TAOK3: variants seen among roughly 807,000 people sequenced by gnomAD.
TAOK3 encodes the protein serine/threonine-protein kinase TAO3.
TAOK3 carries 40 observed loss-of-function variants against 120.4 expected under a neutral mutation model. The ratio of observed to expected loss-of-function variants is 0.33; its 90% CI spans 0.26 to 0.43. The LOEUF (loss-of-function observed/expected upper bound fraction) is 0.43. TAOK3 is among the 20% of genes least tolerant of loss of function. The probability of loss-of-function intolerance (pLI) is 1.00; values close to 1 mark genes in which losing one functional copy is unlikely to be tolerated. For missense variants in TAOK3, 821 were observed against 1,112.1 expected, an observed-to-expected ratio of 0.74 and a Z score of 3.72; for synonymous variants, 355 against 387.5, an observed-to-expected ratio of 0.92 and a Z score of 0.99.
intron 1 of TAOK3, among the ~76,000 whole-genome samples, chr12:118,367,808 A>G (rs569193867): frequency 7.9e-5 from 12 of 152,104 alleles, no homozygotes; most frequent in Admixed American, 7.9e-4. Context: ...GAGGGAAGAA[A>G]TGAAAACTAG....
chr12:118,339,814 G>C (rs1434559355), intron 1 of TAOK3, among the ~76,000 whole-genome samples: 1 of 152,146 alleles, frequency 6.6e-6, no homozygotes, highest in Non-Finnish European at 1.5e-5. Flanking sequence ...GATTACAGAA[G>C]TGAGCCACCG....
intron 3 of TAOK3, among the ~76,000 whole-genome samples, chr12:118,247,503 A>C (rs541021063): frequency 1.1e-3 from 167 of 152,054 alleles, no homozygotes; most frequent in Non-Finnish European, 2.0e-3. Flanking sequence ...ACACACACAC[A>C]TACATACGTA....
chr12:118,168,255 C>G (rs550271032), intron 17 of TAOK3, among the ~76,000 whole-genome samples: 60 of 152,316 alleles, frequency 3.9e-4, no homozygotes, highest in African/African-American at 1.3e-3. Context: ...AGCTCTAATG[C>G]ACTCACTGCA....
At chr12:118,203,052 T>A (rs1565942228) in intron 11 of TAOK3, among the ~76,000 whole-genome samples, 1 of 152,062 alleles carries the variant, frequency 6.6e-6, no homozygotes, top group Non-Finnish European at 1.5e-5. Flanking sequence ...AGTGTTGGGA[T>A]TACAGGCGTG....
intron 9 of TAOK3, among the ~76,000 whole-genome samples, chr12:118,217,626 A>G (rs772782829): frequency 2.0e-5 from 3 of 151,036 alleles, no homozygotes; most frequent in South Asian, 4.2e-4. Flanking sequence ...GGAGGTTGCA[A>G]TGAGCTGAGA....
intron 17 of TAOK3, among the ~76,000 whole-genome samples, chr12:118,169,786 T>C (rs61943537): frequency 0.1 from 15,429 of 151,766 alleles, 993 homozygotes; most frequent in Middle Eastern, 0.15. Flanking sequence ...AGTGGCGCAA[T>C]CTCTGCTCAC....
At position 118,205,315 on chromosome 12, in the gene TAOK3, C is replaced by T. The variant is rs145806287; in HGVS notation, c.820-3852G>A. ...CTGGGAGACAGATCTTGCAATGAGC[C>T]GAGATCAGGCCACTGCACTCCAGCC... On this transcript the variant is annotated intron_variant, in intron 11 of 20. Transcript: ENST00000392533. 1.8e-3 allele frequency among the ~76,000 whole-genome samples: 275 copies of T among 151,302 alleles called. 7 individuals carry two copies. The East Asian group carries it at 0.048, about 27-fold the overall frequency.
rs906655719 is a variant in TAOK3, at chr12:118,227,276, T to G, written c.643+6398A>C. 2.7e-5 allele frequency among the ~76,000 whole-genome samples: 4 copies of G among 147,644 alleles called. No homozygotes were observed. The East Asian group carries it at 7.8e-4, about 29-fold the overall frequency. On this transcript the variant is annotated intron_variant, in intron 9 of 20. Transcript: ENST00000392533. Reference sequence around the variant, plus strand: ...AATATAATATAAAATTATGTTATAATTTTATAATATAAATTTATATATAAA... The same window carrying G: ...AATATAATATAAAATTATGTTATAAGTTTATAATATAAATTTATATATAAA...
At chr12:118,309,066 C>T (rs867751676) in intron 1 of TAOK3, among the ~76,000 whole-genome samples, 5 of 151,566 alleles carry the variant, frequency 3.3e-5, no homozygotes, top group Middle Eastern at 6.9e-3. Flanking sequence ...CGGTGGCTCA[C>T]GCCTGTAATC....
intron 1 of TAOK3, among the ~76,000 whole-genome samples, chr12:118,322,598 CGT>C (rs2140955879): frequency 6.6e-6 from 1 of 151,376 alleles, no homozygotes; most frequent in African/African-American, 2.4e-5. Flanking sequence ...AATAAATGAG[CGT>C]GTGTTCCAAT....
chr12:118,161,957 C>T lies in TAOK3; in HGVS notation c.1970G>A (p.Arg657Gln), dbSNP rs753899938. ...GTGCAGCTGCCTGTACTCTAGCTCT[C>T]GGGTGGACTCGTCGTGCCGGATTAG... ...AMLIRHDEST[R>Q]ELEYRQLHTL... Residue 657 changes from arginine (R) to glutamine (Q), a missense_variant, in exon 18 of 21, where the codon CGA (arginine) becomes CAA (glutamine). By Grantham distance (43) the Arg-to-Gln change is conservative (BLOSUM62 1). This residue lies in a region of TAOK3 where 354 missense variants were observed against 572.1 expected (regional missense o/e 0.62). Transcript: ENST00000392533. The surrounding 1 kb of genome is among the most constrained non-coding windows in gnomAD (Gnocchi z 4.5). 17 of 1,613,982 alleles carry T rather than the reference C, an allele frequency of 1.1e-5. No homozygotes were observed. The highest frequency in any genetic ancestry group is 2.7e-5 in the African/African-American group (2 of 74,886).
At chr12:118,350,615 T>C (rs2045096301) in intron 1 of TAOK3, among the ~76,000 whole-genome samples, 1 of 151,976 alleles carries the variant, frequency 6.6e-6, no homozygotes, top group South Asian at 2.1e-4. Context: ...TCCCAGCACT[T>C]TGGGAGGCTG....
At chr12:118,213,560 A>G (rs1029440828) in intron 10 of TAOK3, among the ~76,000 whole-genome samples, 3 of 152,164 alleles carry the variant, frequency 2.0e-5, no homozygotes, top group African/African-American at 7.2e-5. Flanking sequence ...TCAGCAAGGA[A>G]CACTGTATCT....
At chr12:118,237,069 C>T (rs1406255074) in intron 7 of TAOK3, among the ~76,000 whole-genome samples, 1 of 152,118 alleles carries the variant, frequency 6.6e-6, no homozygotes, top group African/African-American at 2.4e-5. Flanking sequence ...GATCCATAGA[C>T]ATTATGATAA....
chr12:118,248,716 T>C (rs2040623048), intron 3 of TAOK3, among the ~76,000 whole-genome samples: 2 of 152,130 alleles, frequency 1.3e-5, no homozygotes, highest in African/African-American at 4.8e-5. Flanking sequence ...TTATAATTAA[T>C]GCTATATTTG....
chr12:118,177,477 T>C (rs2036414750), intron 15 of TAOK3, 148 bp from the exon 16 acceptor site: 2 of 583,600 alleles, frequency 3.4e-6, no homozygotes, highest in Admixed American at 3.9e-5. Context: ...TTTTTCTGAT[T>C]TTCTTGTATC....
At chr12:118,154,857 G>A (rs1472139481) in intron 19 of TAOK3, among the ~76,000 whole-genome samples, 1 of 152,096 alleles carries the variant, frequency 6.6e-6, no homozygotes, top group East Asian at 1.9e-4. Flanking sequence ...CAGGCGCACA[G>A]GATTCCCCCC....
intron 8 of TAOK3, 88 bp from the exon 9 acceptor site, chr12:118,233,853 G>C: frequency 2.4e-6 from 2 of 822,222 alleles, no homozygotes; most frequent in Non-Finnish European, 4.0e-6. Flanking sequence ...CTGTTCTTAA[G>C]GGTATTCTGA....
intron 1 of TAOK3, among the ~76,000 whole-genome samples, chr12:118,294,762 T>G (rs1201515360): frequency 6.9e-6 from 1 of 145,316 alleles, no homozygotes; most frequent in Non-Finnish European, 1.5e-5. Context: ...GATTCTGAGA[T>G]TCACACACAT....
Sources: allele counts gnomAD v4.1 joint callset (sites outside exome capture counted in the v4.1 genomes callset), GRCh38; gene constraint gnomAD v4.1.1; regional missense constraint gnomAD v4.1.1; non-coding constraint Gnocchi (gnomAD v3.1); transcripts MANE v1.5; gene names NCBI Gene and HGNC (gene_info 2026-07-23, HGNC 2026-07-21).